Variants in ZNF658 observed in about 807,000 individuals in gnomAD.
ZNF658 encodes zinc finger protein 658.
In ZNF658, 46 loss-of-function variants were observed where a neutral mutation model predicts 78.0. That is an observed-to-expected ratio of 0.59 (90% confidence interval 0.47 to 0.75). ZNF658 has a LOEUF of 0.75. Among genes scored for constraint, ZNF658 ranks in the 30% least tolerant of loss-of-function variants. The probability of loss-of-function intolerance (pLI) is 0.00; values close to 1 mark genes in which losing one functional copy is unlikely to be tolerated. For synonymous variants in ZNF658, 279 were observed against 408.4 expected (o/e 0.68, Z 3.82); for missense variants, 785 against 1,189.3 (o/e 0.66, Z 5.00).
Position 66,919,982 on chromosome 9 carries a change from AC to A in ZNF658, c.2417del (p.Thr806IlefsTer9), listed in dbSNP as rs1481415801. Reference protein sequence around the residue: ...KPYECNVCGKTFVYKAALIVH... With the variant: ...KPYECNVCGKXFVYKAALIVH... Reference sequence around the variant, plus strand: ...GTATGAATGTAACGTATGTGGGAAAACTTTTGTCTATAAGGCAGCCCTCATA... The same window carrying A: ...GTATGAATGTAACGTATGTGGGAAAATTTTGTCTATAAGGCAGCCCTCATA... On this transcript the variant is annotated frameshift_variant, in exon 5 of 5. Coordinates refer to ENST00000621410, the MANE Select transcript of ZNF658 (RefSeq NM_033160.7). LOFTEE classifies it high-confidence loss of function. The A allele has an allele frequency of 1.2e-6, 2 of 1,609,176 alleles. No homozygotes were observed. Among genetic ancestry groups the A allele is most frequent in the East Asian group, 4.5e-5 (2 of 44,676 alleles).
In ZNF658 at chr9:66,914,013, A is replaced by T. The variant is rs1434099906; in HGVS notation, c.239-3792A>T. On this transcript the variant is annotated intron_variant, in intron 4 of 4. Coordinates refer to ENST00000621410, the MANE Select transcript of ZNF658 (RefSeq NM_033160.7). ...AAGTTTTGAAGTCAAGTACTTCTCC[A>T]GTTTTCATCTTGTGTATAAATTTTT... Among the ~76,000 whole-genome samples the T allele has an allele frequency of 2.1e-5, 3 of 140,164 alleles. No homozygotes were observed. In the Admixed American group the frequency reaches 2.2e-4, roughly 10 times the overall value. 92.0% of individuals were successfully genotyped at this position (140,164 alleles called of 152,430 possible). A position where few individuals can be genotyped will look rare whatever the true frequency, so the allele number is the denominator to read the frequency against.
intron 6 of ZNF658, among the ~76,000 whole-genome samples, chr9:66,930,698 C>T (rs2118143571): frequency 6.6e-6 from 1 of 152,158 alleles, no homozygotes; most frequent in East Asian, 1.9e-4. Context: ...GGAATTTTCT[C>T]ACATTTTTTC....
chr9:66,902,699 G>A (rs531862376), intron 1 of ZNF658, among the ~76,000 whole-genome samples: 2,222 of 150,792 alleles, frequency 0.015, 13 homozygotes, highest in East Asian at 0.029. Context: ...GCCTCTTTCC[G>A]GGTAGTAGAG....
chr9:66,908,146 A>G, intron 2 of ZNF658, 92 bp from the exon 3 acceptor site: 1 of 1,605,892 alleles, frequency 6.2e-7, no homozygotes. Context: ...CATTCATTTT[A>G]GTAGTAGCTC....
At chr9:66,910,207 G>A (rs1822181456) in intron 4 of ZNF658, among the ~76,000 whole-genome samples, 1 of 152,048 alleles carries the variant, frequency 6.6e-6, no homozygotes, top group Admixed American at 6.6e-5. Flanking sequence ...AATTTCCCTG[G>A]TCACCAATGA....
At chr9:66,914,317 T>C (rs1467655897) in intron 4 of ZNF658, among the ~76,000 whole-genome samples, 1 of 151,778 alleles carries the variant, frequency 6.6e-6, no homozygotes, top group Non-Finnish European at 1.5e-5. Context: ...AATTCATCAT[T>C]GTATGTTTGT....
intron 4 of ZNF658, among the ~76,000 whole-genome samples, chr9:66,916,125 T>C (rs1181605475): frequency 6.6e-6 from 1 of 151,468 alleles, no homozygotes; most frequent in Non-Finnish European, 1.5e-5. Context: ...CCTGACCTTG[T>C]GATCCACACA....
chr9:66,922,148 G>A (rs1822536928), downstream of ZNF658, among the ~76,000 whole-genome samples: 1 of 135,942 alleles, frequency 7.4e-6, no homozygotes, highest in Non-Finnish European at 1.6e-5. Flanking sequence ...GACCCTCCAA[G>A]CCAGGCACAG....
At position 66,918,959 on chromosome 9, in the gene ZNF658, G is replaced by T. The variant is rs1181229565; in HGVS notation, c.1393G>T (p.Glu465Ter). The T allele has an allele frequency of 6.3e-6, 9 of 1,434,674 alleles. 1 individual carries two copies. In the South Asian group the frequency reaches 8.3e-5, roughly 13 times the overall value. 88.9% of individuals were successfully genotyped at this position (1,434,674 alleles called of 1,614,324 possible). A position where few individuals can be genotyped will look rare whatever the true frequency, so the allele number is the denominator to read the frequency against. Residue 465 changes from glutamate to a stop codon, truncating the protein, a stop_gained, in exon 5 of 5, where the codon GAG (glutamate) becomes TAG (stop). Transcript: ENST00000621410. LOFTEE classifies it high-confidence loss of function. The part of the protein sequence containing the change: ...LSKHLRIHTK[E>*]KPCDNNGCGR... The stretch of plus-strand genomic sequence containing the variant: ...TAAACATCTGAGAATTCACACAAAA[G>T]AGAAACCTTGTGATAACAATGGCTG...
chr9:66,908,772 C>T (rs765378499), intron 4 of ZNF658, 38 bp downstream of exon 4: 3 of 1,595,662 alleles, frequency 1.9e-6, no homozygotes, highest in Middle Eastern at 3.3e-4. Context: ...CCTGGGGGTA[C>T]TTAGTCTTTA....
At chr9:66,904,264 T>C (rs1182549219) in intron 2 of ZNF658, among the ~76,000 whole-genome samples, 2 of 152,240 alleles carry the variant, frequency 1.3e-5, no homozygotes, top group East Asian at 3.9e-4. Flanking sequence ...CTACCCATAG[T>C]ATAATCAAAT....
intron 4 of ZNF658, 60 bp downstream of exon 4, chr9:66,908,794 C>T: frequency 3.5e-6 from 5 of 1,447,306 alleles, no homozygotes; most frequent in East Asian, 2.3e-5. Context: ...AGGGAGAGCA[C>T]CTTTGAAAGT....
chr9:66,917,306 C>T (rs1039651640), intron 4 of ZNF658, among the ~76,000 whole-genome samples: 3 of 146,656 alleles, frequency 2.0e-5, no homozygotes, highest in African/African-American at 7.7e-5. Context: ...CCTTGACTGG[C>T]CCCGGAAATA....
At chr9:66,921,460 AT>A (rs1198509943), downstream of ZNF658, 1 of 150,346 alleles carries the variant, frequency 6.7e-6, no homozygotes. Flanking sequence ...TTCTGAGGAA[AT>A]ATGTCAGTTT....
At chr9:66,928,624 G>A (rs1042325449) in intron 6 of ZNF658, among the ~76,000 whole-genome samples, 9 of 151,700 alleles carry the variant, frequency 5.9e-5, no homozygotes, top group Admixed American at 1.3e-4. Context: ...AGGCCAACGC[G>A]GACAGATCAC....
At chr9:66,931,409 C>T (rs1372957341) in intron 6 of ZNF658, among the ~76,000 whole-genome samples, 2 of 152,026 alleles carry the variant, frequency 1.3e-5, no homozygotes, top group Non-Finnish European at 2.9e-5. Context: ...GCAGCTATGT[C>T]TAGCATATTG....
At chr9:66,910,235 T>C (rs1270777407) in intron 4 of ZNF658, among the ~76,000 whole-genome samples, 1 of 152,174 alleles carries the variant, frequency 6.6e-6, no homozygotes, top group Admixed American at 6.5e-5. Flanking sequence ...CATCTTTTTA[T>C]ATGCCTATTA....
intron 4 of ZNF658, among the ~76,000 whole-genome samples, chr9:66,916,096 G>A (rs959185058): frequency 3.3e-5 from 5 of 150,054 alleles, no homozygotes; most frequent in African/African-American, 1.2e-4. Flanking sequence ...CACCATGTTG[G>A]TCAGGCTGGT....
intron 6 of ZNF658, among the ~76,000 whole-genome samples, chr9:66,927,469 G>A (rs1250899614): frequency 1.3e-5 from 2 of 151,996 alleles, no homozygotes; most frequent in East Asian, 3.9e-4. Flanking sequence ...TAAAAACAGA[G>A]CCATTATATT....
Sources: allele counts gnomAD v4.1 joint callset (sites outside exome capture counted in the v4.1 genomes callset), GRCh38; gene constraint gnomAD v4.1.1; transcripts MANE v1.5; gene names NCBI Gene and HGNC (gene_info 2026-07-23, HGNC 2026-07-21).